The following LHX8 variants were observed in gnomAD, a reference collection of about 807,000 sequenced individuals.
The protein encoded by LHX8 is LIM/homeobox protein Lhx8.
LHX8 carries 12 observed loss-of-function variants against 40.3 expected under a neutral mutation model. The observed-to-expected ratio is 0.30, with a 90% CI of 0.19 to 0.48. The LOEUF is 0.48. Among genes scored for constraint, LHX8 ranks in the 20% least tolerant of loss-of-function variants. The pLI is 0.99. For missense variants in LHX8, 344 were observed against 433.7 expected, an observed-to-expected ratio of 0.79 and a Z score of 1.84; for synonymous variants, 179 against 162.0, an observed-to-expected ratio of 1.10 and a Z score of -0.80.
At chr1:75,146,198 A>G (rs1485991287) in intron 6 of LHX8, among the ~76,000 whole-genome samples, 1 of 152,188 alleles carries the variant, frequency 6.6e-6, no homozygotes, top group East Asian at 1.9e-4. Context: ...TGGCAAGATA[A>G]TAAAATATTA....
chr1:75,182,907 C>G, the LHX8 span: 1 of 151,888 alleles, frequency 6.6e-6, no homozygotes, highest in Non-Finnish European at 1.5e-5. Context: ...TTTTTCCTTC[C>G]TACATAAATA....
rs140511711 is a variant in LHX8, at chr1:75,160,728, G to A, written c.965-91G>A. On this transcript the variant is annotated intron_variant, in intron 8 of 8. Coordinates refer to ENST00000356261, the MANE Select transcript of LHX8 (RefSeq NM_001256114.2). ...GGTGCCCTCAGCTATAATGAGTGAT[G>A]AAAACAATGCCTTGGATTGTTTTTG... The A allele has an allele frequency of 3.9e-3, 3,466 of 879,810 alleles. 27 individuals are homozygous for A. Among genetic ancestry groups the A allele is most frequent in the Middle Eastern group, 0.021 (96 of 4,616 alleles). 54.5% of individuals were successfully genotyped at this position (879,810 alleles called of 1,614,324 possible). A position where few individuals can be genotyped will look rare whatever the true frequency, so the allele number is the denominator to read the frequency against.
chr1:75,189,516 TA>T, the LHX8 span, among the ~76,000 whole-genome samples: 3 of 152,190 alleles, frequency 2.0e-5, no homozygotes, highest in African/African-American at 4.8e-5. Context: ...AATTTATGGA[TA>T]GGGTGTCTAA....
downstream of LHX8, among the ~76,000 whole-genome samples, chr1:75,163,379 C>A (rs1484878102): frequency 6.6e-6 from 1 of 152,110 alleles, no homozygotes; most frequent in African/African-American, 2.4e-5. Context: ...TTTGTTATGG[C>A]ATGGATGACT....
At position 75,148,715 on chromosome 1, in the gene LHX8, T is replaced by G. The variant is rs1648528845; in HGVS notation, c.780+33T>G. The G allele has an allele frequency of 2.7e-6, 4 of 1,461,782 alleles. No individual in the cohort carries two copies. In the East Asian group the frequency reaches 7.1e-5, roughly 26 times the overall value. The allele number at this position is 1,461,782 out of a possible 1,614,324, so 90.6% of individuals were successfully genotyped here. A position where few individuals can be genotyped will look rare whatever the true frequency, so the allele number is the denominator to read the frequency against. ...CTTTACTTTTTTTTTTTTTTAAGGT[T>G]TTTAAAAAATAGATATTGGGTCTCC... On this transcript the variant is annotated intron_variant, in intron 7 of 8. Transcript: ENST00000356261.
At chr1:75,174,750 A>T in the LHX8 span, among the ~76,000 whole-genome samples, 1 of 152,350 alleles carries the variant, frequency 6.6e-6, no homozygotes, top group African/African-American at 2.4e-5. Flanking sequence ...GCTACAGTGC[A>T]TGGTAGCAGA....
At chr1:75,141,417 T>C (rs1317605983) in intron 4 of LHX8, among the ~76,000 whole-genome samples, 1 of 152,154 alleles carries the variant, frequency 6.6e-6, no homozygotes, top group African/African-American at 2.4e-5. Flanking sequence ...AAAAACAAGA[T>C]GACTTATGAC....
chr1:75,177,844 G>A, the LHX8 span, among the ~76,000 whole-genome samples: 3 of 152,256 alleles, frequency 2.0e-5, no homozygotes, highest in Admixed American at 6.5e-5. Context: ...TTTGAGATAT[G>A]TTCCATCAAT....
At chr1:75,169,912 C>G in the LHX8 span, among the ~76,000 whole-genome samples, 1 of 152,204 alleles carries the variant, frequency 6.6e-6, no homozygotes. Flanking sequence ...GTGAAACTGG[C>G]TCACTTTTCA....
At chr1:75,162,423 G>A (rs1570310385), downstream of LHX8, among the ~76,000 whole-genome samples, 1 of 152,258 alleles carries the variant, frequency 6.6e-6, no homozygotes, top group South Asian at 2.1e-4. Context: ...AGCTTTTGTA[G>A]TATAGCCAAG....
chr1:75,193,397 G>T, the LHX8 span, among the ~76,000 whole-genome samples: 1 of 152,096 alleles, frequency 6.6e-6, no homozygotes, highest in Non-Finnish European at 1.5e-5. Flanking sequence ...ATCACCTGTG[G>T]ATCCTATTCA....
intron 7 of LHX8, among the ~76,000 whole-genome samples, chr1:75,153,909 T>C (rs1186182738): frequency 2.0e-5 from 3 of 152,226 alleles, no homozygotes; most frequent in Non-Finnish European, 4.4e-5. Context: ...TGAAACATGC[T>C]TTCCCAATAA....
At chr1:75,148,966 T>C (rs1382235963) in intron 7 of LHX8, among the ~76,000 whole-genome samples, 1 of 152,222 alleles carries the variant, frequency 6.6e-6, no homozygotes, top group African/African-American at 2.4e-5. Flanking sequence ...TCATTTTAAG[T>C]CTCTTCACAT....
chr1:75,142,535 A>G (rs1257736296), intron 4 of LHX8, among the ~76,000 whole-genome samples: 3 of 152,188 alleles, frequency 2.0e-5, no homozygotes, highest in African/African-American at 7.2e-5. Context: ...CTTTTTCACC[A>G]AAGGAAACAT....
At chr1:75,136,523 C>A in intron 1 of LHX8, 80 bp from the exon 2 acceptor site, 2 of 1,099,868 alleles carry the variant, frequency 1.8e-6, no homozygotes, top group Non-Finnish European at 2.7e-6. Context: ...AGCTCGCTCC[C>A]CGCGCCGAGG....
chr1:75,160,906 A>G lies in LHX8; in HGVS notation c.*11A>G, dbSNP rs1648900858. On this transcript the variant is annotated 3_prime_UTR_variant, in exon 9 of 9. Coordinates refer to ENST00000356261, the MANE Select transcript of LHX8 (RefSeq NM_001256114.2). ...ATAAGTCATACCTAATTCTTTTTTC[A>G]GGGATAGACTTGATTAAGGATATAA... The G allele has an allele frequency of 1.9e-6, 3 of 1,577,568 alleles. No homozygotes were observed. The highest frequency in any genetic ancestry group is 2.6e-6 in the Non-Finnish European group (3 of 1,146,788).
At chr1:75,139,578 A>C (rs779045095) in intron 3 of LHX8, among the ~76,000 whole-genome samples, 3 of 152,080 alleles carry the variant, frequency 2.0e-5, no homozygotes, top group Non-Finnish European at 4.4e-5. Context: ...TATAAGGAAA[A>C]TGCTTTTTTT....
intron 6 of LHX8, 79 bp from the exon 7 acceptor site, chr1:75,148,508 C>A (rs1648522380): frequency 3.1e-6 from 3 of 958,664 alleles, no homozygotes. Context: ...GCATGTCTTA[C>A]CTCTTATGAT....
At chr1:75,173,515 T>A in the LHX8 span, among the ~76,000 whole-genome samples, 3 of 151,050 alleles carry the variant, frequency 2.0e-5, no homozygotes, top group Non-Finnish European at 4.4e-5. Context: ...CCCGAGTAGC[T>A]GGGACTTCAG....
Sources: allele counts gnomAD v4.1 joint callset (sites outside exome capture counted in the v4.1 genomes callset), GRCh38; gene constraint gnomAD v4.1.1; transcripts MANE v1.5; gene names NCBI Gene and HGNC (gene_info 2026-07-23, HGNC 2026-07-21).